The following PACRG variants were observed in gnomAD, a reference collection of about 807,000 sequenced individuals.
PACRG encodes the protein parkin coregulated gene protein.
A neutral mutation model predicts 29.7 loss-of-function variants in PACRG; 29 were observed. That is an observed-to-expected ratio of 0.98 (90% CI 0.73 to 1.33). The LOEUF (loss-of-function observed/expected upper bound fraction) is 1.33, where lower values mean the gene tolerates loss of function less well. Among genes scored for constraint, PACRG ranks in the 40% most tolerant of loss-of-function variants. The pLI, the probability that PACRG is intolerant of heterozygous loss-of-function variation, is 0.00. For missense variants in PACRG, 279 were observed against 316.2 expected (o/e 0.88, Z 0.89); for synonymous variants, 116 against 118.7 (o/e 0.98, Z 0.15).
intron 2 of PACRG, among the ~76,000 whole-genome samples, chr6:162,823,703 T>C (rs1788036526): frequency 6.6e-6 from 1 of 151,992 alleles, no homozygotes; most frequent in Non-Finnish European, 1.5e-5. Flanking sequence ...TTAGTAGAGA[T>C]GGGATTTCAC....
intron 2 of PACRG, among the ~76,000 whole-genome samples, chr6:162,834,273 A>G (rs1184125608): frequency 2.6e-5 from 4 of 152,152 alleles, no homozygotes; most frequent in Non-Finnish European, 5.9e-5. Flanking sequence ...AAAAATTATC[A>G]CAACATATGA....
At chr6:163,194,820 C>T (rs916410708) in intron 4 of PACRG, among the ~76,000 whole-genome samples, 1 of 152,036 alleles carries the variant, frequency 6.6e-6, no homozygotes, top group African/African-American at 2.4e-5. Flanking sequence ...GAGTGCAATG[C>T]CCCCCAACCC....
intron 4 of PACRG, among the ~76,000 whole-genome samples, chr6:163,299,974 C>T (rs372660863): frequency 2.0e-5 from 3 of 152,214 alleles, no homozygotes; most frequent in South Asian, 2.1e-4. Context: ...GATAGAAGCA[C>T]GTAGGGGGCA....
rs569458480 is a variant in PACRG at position 163,206,359 on chromosome 6, C to T, written c.614-108468C>T. ...GGATAAAAAATGTAGTACATACATACCATGGAATACTATGCAGCCATGAAA... is the reference window on the plus strand; with the variant it reads ...GGATAAAAAATGTAGTACATACATATCATGGAATACTATGCAGCCATGAAA... On this transcript the variant is annotated intron_variant, in intron 4 of 4. Coordinates refer to ENST00000366888, the MANE Select transcript of PACRG (RefSeq NM_001080379.2). 3.3e-5 allele frequency among the ~76,000 whole-genome samples: 5 copies of T among 152,304 alleles called. No individual in the cohort carries two copies. In the South Asian group the frequency reaches 1.0e-3, roughly 32 times the overall value.
intron 2 of PACRG, among the ~76,000 whole-genome samples, chr6:163,016,704 T>C (rs7762226): frequency 0.13 from 20,418 of 152,116 alleles, 1,473 homozygotes; most frequent in East Asian, 0.22. Flanking sequence ...ATCTTTCATA[T>C]ATTTGACAGG....
At chr6:163,176,442 C>A (rs991439809) in intron 4 of PACRG, among the ~76,000 whole-genome samples, 1 of 152,172 alleles carries the variant, frequency 6.6e-6, no homozygotes. Flanking sequence ...GTAAACTAGC[C>A]CCGTTATGCC....
intron 2 of PACRG, among the ~76,000 whole-genome samples, chr6:163,056,149 T>C (rs1367779834): frequency 6.6e-6 from 1 of 152,196 alleles, no homozygotes. Context: ...GGAGCCCTCA[T>C]ACATGGCTGG....
At chr6:163,171,447 A>G (rs1393091939) in intron 4 of PACRG, among the ~76,000 whole-genome samples, 1 of 152,096 alleles carries the variant, frequency 6.6e-6, no homozygotes, top group Non-Finnish European at 1.5e-5. Context: ...GGCAGGTATG[A>G]CTGTTCTGCC....
rs556723394 is a variant in PACRG at position 162,932,452 on chromosome 6, G to T, written c.291+118171G>T. On this transcript the variant is annotated intron_variant, in intron 2 of 4. Transcript: ENST00000366888. ...CACAATTTTTTTTTGAAGAGTTTGA[G>T]TATAATTGGTTTTAGTTCTTTAAAC... Among the ~76,000 whole-genome samples, 12 of 152,088 alleles carry T rather than the reference G, an allele frequency of 7.9e-5. No homozygotes were observed. The South Asian group carries it at 2.5e-3, about 32-fold the overall frequency.
intron 4 of PACRG, among the ~76,000 whole-genome samples, chr6:163,246,690 A>G (rs959524317): frequency 6.6e-6 from 1 of 152,150 alleles, no homozygotes; most frequent in Admixed American, 6.5e-5. Flanking sequence ...CTTACATACA[A>G]ATTTTCTCAT....
intron 4 of PACRG, among the ~76,000 whole-genome samples, chr6:163,096,038 C>A (rs1203574806): frequency 1.3e-5 from 2 of 152,188 alleles, no homozygotes; most frequent in Non-Finnish European, 2.9e-5. Context: ...AATGAAAACT[C>A]CCTCTTTCAA....
chr6:162,745,965 T>C (rs1227334539), intron 1 of PACRG, among the ~76,000 whole-genome samples: 2 of 152,106 alleles, frequency 1.3e-5, no homozygotes, highest in Non-Finnish European at 2.9e-5. Context: ...GTTGTATAAA[T>C]AATAATTTAT....
At chr6:163,230,675 G>A (rs1372596305) in intron 4 of PACRG, among the ~76,000 whole-genome samples, 1 of 119,650 alleles carries the variant, frequency 8.4e-6, no homozygotes. Context: ...TATTGCTGAT[G>A]GAAACAGCAA....
intron 4 of PACRG, among the ~76,000 whole-genome samples, chr6:163,189,009 C>T (rs767867111): frequency 3.3e-5 from 5 of 152,142 alleles, no homozygotes; most frequent in Non-Finnish European, 5.9e-5. Context: ...AGAGCCCATA[C>T]GTTTGTGGCC....
At position 163,094,445 on chromosome 6, in the gene PACRG, T is replaced by C. The variant is rs143002289; in HGVS notation, c.613+5037T>C. On this transcript the variant is annotated intron_variant, in intron 4 of 4. Transcript: ENST00000366888. Reference sequence around the variant, plus strand: ...GATTTGGAATTGTCATGCATATATCTAGTCTCTCTGAGCACTTCCTCCATG... The same window carrying C: ...GATTTGGAATTGTCATGCATATATCCAGTCTCTCTGAGCACTTCCTCCATG... Among the ~76,000 whole-genome samples, 16 of 152,312 alleles carry C rather than the reference T, an allele frequency of 1.1e-4. No individual in the cohort carries two copies. In the South Asian group the frequency reaches 1.7e-3, roughly 16 times the overall value.
intron 2 of PACRG, among the ~76,000 whole-genome samples, chr6:162,914,956 A>G (rs1281931574): frequency 6.6e-6 from 1 of 151,998 alleles, no homozygotes; most frequent in South Asian, 2.1e-4. Context: ...ATTTTTGTAT[A>G]AACAATAAAA....
At chr6:163,020,931 C>A (rs1403020725) in intron 2 of PACRG, among the ~76,000 whole-genome samples, 1 of 152,174 alleles carries the variant, frequency 6.6e-6, no homozygotes, top group Non-Finnish European at 1.5e-5. Context: ...TTGCTGCCCC[C>A]ACGGCCTCAG....
intron 2 of PACRG, among the ~76,000 whole-genome samples, chr6:163,012,271 A>G (rs1050662461): frequency 6.6e-6 from 1 of 152,224 alleles, no homozygotes; most frequent in African/African-American, 2.4e-5. Context: ...AATTGTTATT[A>G]TGACATTTCA....
chr6:162,964,519 C>A (rs1408645265), intron 2 of PACRG, among the ~76,000 whole-genome samples: 2 of 152,114 alleles, frequency 1.3e-5, no homozygotes, highest in Non-Finnish European at 2.9e-5. Flanking sequence ...TAGGATATGG[C>A]CTATGAAGGC....
Sources: gnomAD v4.1 joint callset for allele counts (sites outside exome capture counted in the v4.1 genomes callset) on GRCh38, gnomAD v4.1.1 for gene constraint, MANE v1.5 for transcripts, NCBI Gene and HGNC (gene_info 2026-07-23, HGNC 2026-07-21) for gene names.